Variants in MARF1 observed in about 807,000 individuals in gnomAD.
The protein encoded by MARF1 is meiosis regulator and mRNA stability factor 1, also known as limkain-b1.
In MARF1, 24 loss-of-function variants were observed where a neutral mutation model predicts 168.2. The ratio of observed to expected loss-of-function variants is 0.14; its 90% CI spans 0.10 to 0.20. The LOEUF is 0.20. MARF1 is among the 10% of genes least tolerant of loss of function. MARF1 has a pLI of 1.00. For synonymous variants in MARF1, 868 were observed against 822.4 expected (o/e 1.06, Z -0.95); for missense variants, 1,744 against 2,143.6 (o/e 0.81, Z 3.68).
In MARF1 at chr16:15,595,499, G is replaced by A. The variant is rs772687625; in HGVS notation, c.*1194C>T. ...AAATGTCAGGTTTCTCTAGAGGGGG[G>A]TGAGAGGCCACCCGTCAGCGGACAC... On this transcript the variant is annotated 3_prime_UTR_variant, in exon 27 of 27. Coordinates refer to ENST00000396368, the MANE Select transcript of MARF1 (RefSeq NM_014647.4). 2 of 152,602 alleles carry A rather than the reference G, an allele frequency of 1.3e-5. No homozygotes were observed. Among genetic ancestry groups the A allele is most frequent in the Non-Finnish European group, 2.9e-5 (2 of 68,032 alleles). 9.5% of individuals were successfully genotyped at this position (152,602 alleles called of 1,614,324 possible). A position where few individuals can be genotyped will look rare whatever the true frequency, so the allele number is the denominator to read the frequency against.
Position 15,615,863 on chromosome 16 carries a change from A to C in MARF1, c.3220T>G (p.Trp1074Gly). The change falls in exon 16 of 27, where the codon TGG becomes GGG. Residue 1074 changes from tryptophan to glycine, a missense_variant. Transcript: ENST00000396368. The stretch of plus-strand genomic sequence containing the variant: ...GGAGGCGGGGGCTTGTTGTGAATCC[A>C]TTTAACCACTTTGATGCCATTCTGA... Reference protein sequence around the residue: ...TAQNGIKVVKWIHNKPPPPNT... With the variant: ...TAQNGIKVVKGIHNKPPPPNT... The C allele has an allele frequency of 6.3e-7, 1 of 1,588,196 alleles. No individual in the cohort carries two copies. Among genetic ancestry groups the C allele is most frequent in the African/African-American group, 1.4e-5 (1 of 73,852 alleles).
At chr16:15,616,352 T>G (rs1467244142) in intron 15 of MARF1, among the ~76,000 whole-genome samples, 1 of 152,174 alleles carries the variant, frequency 6.6e-6, no homozygotes, top group Admixed American at 6.5e-5. Context: ...TTGTGGCTCA[T>G]GGAGTGATTA....
intron 1 of MARF1, among the ~76,000 whole-genome samples, 170 bp downstream of exon 1, chr16:15,642,848 C>T (rs1484607521): frequency 1.3e-5 from 2 of 152,204 alleles, no homozygotes; most frequent in Non-Finnish European, 2.9e-5. Context: ...GACAAGCCAA[C>T]TCTTTCGTGG....
chr16:15,617,529 T>C lies in MARF1; in HGVS notation c.2727A>G (p.Gly909=), dbSNP rs1433036812. The part of the protein sequence containing the change: ...KFTDIYEKKF[G]HKLNVSDLYK... The stretch of plus-strand genomic sequence containing the variant: ...ATAGATCTGACACATTCAACTTGTG[T>C]CCAAACCTAAAAGCAAGAGAAGAGA... Residue 909 remains glycine (G), a synonymous_variant, in exon 14 of 27, where the codon GGA becomes GGG. Coordinates refer to ENST00000396368, the MANE Select transcript of MARF1 (RefSeq NM_014647.4). The C allele has an allele frequency of 6.2e-7, 1 of 1,606,730 alleles. No individual in the cohort carries two copies. Among genetic ancestry groups the C allele is most frequent in the Admixed American group, 1.7e-5 (1 of 59,432 alleles).
At chr16:15,634,158 C>T (rs1362648066) in intron 4 of MARF1, among the ~76,000 whole-genome samples, 1 of 152,158 alleles carries the variant, frequency 6.6e-6, no homozygotes, top group East Asian at 1.9e-4. Flanking sequence ...AACACAAGCA[C>T]ACTAACTGAC....
At position 15,623,163 on chromosome 16, in the gene MARF1, GTTCTGTATAT is replaced by G. The variant is rs746042945; in HGVS notation, c.2271-50_2271-41del. 9.0e-6 allele frequency: 13 copies of G among 1,448,734 alleles called. No homozygotes were observed. In the South Asian group the frequency reaches 1.8e-4, roughly 20 times the overall value. The allele number at this position is 1,448,734 out of a possible 1,614,324, so 89.7% of individuals were successfully genotyped here. A position where few individuals can be genotyped will look rare whatever the true frequency, so the allele number is the denominator to read the frequency against. ...CATATTGACATTATTTTAAAAAACT[GTTCTGTATAT>G]TTAGATTTTATCATTTAGGCTTTGT... On this transcript the variant is annotated intron_variant, in intron 10 of 26. Coordinates refer to ENST00000396368, the MANE Select transcript of MARF1 (RefSeq NM_014647.4).
At chr16:15,642,773 G>T (rs1419047145) in intron 1 of MARF1, among the ~76,000 whole-genome samples, 1 of 152,158 alleles carries the variant, frequency 6.6e-6, no homozygotes, top group African/African-American at 2.4e-5. Context: ...CGGGCGGGGA[G>T]CCAAATGCCC....
rs559427306 is a variant in MARF1 at position 15,608,367 on chromosome 16, C to T, written c.4106G>A (p.Gly1369Asp). Residue 1369 changes from glycine to aspartate, a missense_variant, in exon 21 of 27, where the codon GGT (glycine) becomes GAT (aspartate). By Grantham distance (94) the Gly-to-Asp change is moderately conservative (BLOSUM62 -1). Coordinates refer to ENST00000396368, the MANE Select transcript of MARF1 (RefSeq NM_014647.4). Reference protein sequence around the residue: ...DLLTEYAKTFGYTFRLQDYDV... With the variant: ...DLLTEYAKTFDYTFRLQDYDV... The stretch of plus-strand genomic sequence containing the variant: ...ATAGTCTTGGAGACGAAATGTATAA[C>T]CAAAAGTTTTAGCATATTCTGTAAG... 6.2e-7 allele frequency: 1 copy of T among 1,612,516 alleles called. No individual in the cohort carries two copies. The highest frequency in any genetic ancestry group is 1.1e-5 in the South Asian group (1 of 91,036).
chr16:15,639,228 C>G lies in MARF1; in HGVS notation c.6G>C (p.Met2Ile). The G allele has an allele frequency of 6.2e-7, 1 of 1,613,182 alleles. No homozygotes were observed. The highest frequency in any genetic ancestry group is 8.5e-7 in the Non-Finnish European group (1 of 1,179,660). M[M>I]EGNGTENSCS... Reference sequence around the variant, plus strand: ...AGGAGTTCTCAGTTCCGTTTCCTTCCATCATACAGCCATGCAAAGTGATTC... The same window carrying G: ...AGGAGTTCTCAGTTCCGTTTCCTTCGATCATACAGCCATGCAAAGTGATTC... The change falls in exon 2 of 27, where the codon ATG becomes ATC. Residue 2 changes from methionine to isoleucine, a missense_variant. Met to Ile is a conservative substitution (Grantham distance 10). This residue lies in a region of MARF1 where 318 missense variants were observed against 336.6 expected (regional missense o/e 0.94). Transcript: ENST00000396368.
chr16:15,599,593 C>T lies in MARF1; in HGVS notation c.4814-569G>A, dbSNP rs370806201. Among the ~76,000 whole-genome samples the T allele has an allele frequency of 7.9e-5, 12 of 152,326 alleles. No homozygotes were observed. In the East Asian group the frequency reaches 1.5e-3, roughly 20 times the overall value. On this transcript the variant is annotated intron_variant, in intron 25 of 26. Coordinates refer to ENST00000396368, the MANE Select transcript of MARF1 (RefSeq NM_014647.4). ...ATCCTAAGGGCACAGGGGACGGTAA[C>T]GTGCTATCTCGCCGCATGTTATGAA...
rs757973463 is a variant in MARF1 at position 15,630,318 on chromosome 16, GC to G, written c.1524+13del. ...AATATTGGAAAATGGCAAAAATAAC[GC>G]AAACCCACTTACTGGCATTTTTAGT... On this transcript the variant is annotated intron_variant, in intron 7 of 26. Transcript: ENST00000396368. 1.5e-5 allele frequency: 24 copies of G among 1,585,176 alleles called. No homozygotes were observed. The African/African-American group carries it at 3.1e-4, about 21-fold the overall frequency.
chr16:15,599,811 A>T (rs1446821380), intron 25 of MARF1, among the ~76,000 whole-genome samples: 1 of 152,192 alleles, frequency 6.6e-6, no homozygotes, highest in Non-Finnish European at 1.5e-5. Flanking sequence ...TGTGACAAAG[A>T]CGCCTTGACC....
intron 6 of MARF1, among the ~76,000 whole-genome samples, chr16:15,630,728 G>A (rs1399521027): frequency 6.6e-6 from 1 of 151,656 alleles, no homozygotes; most frequent in Non-Finnish European, 1.5e-5. Flanking sequence ...TATTAAAAAG[G>A]AGCAAATATG....
chr16:15,622,638 C>G (rs1265676267), intron 11 of MARF1, among the ~76,000 whole-genome samples: 1 of 152,218 alleles, frequency 6.6e-6, no homozygotes, highest in African/African-American at 2.4e-5. Flanking sequence ...CCGCCTTGGC[C>G]TCCCAAAGTG....
At chr16:15,597,350 G>A (rs934477408) in intron 26 of MARF1, among the ~76,000 whole-genome samples, 3 of 152,344 alleles carry the variant, frequency 2.0e-5, no homozygotes, top group African/African-American at 7.2e-5. Context: ...GCATCTGGGT[G>A]TCAGGGAGCT....
intron 11 of MARF1, 124 bp downstream of exon 11, chr16:15,622,810 G>A: frequency 3.0e-6 from 2 of 672,440 alleles, no homozygotes; most frequent in South Asian, 3.0e-5. Context: ...GGAAAAGGAA[G>A]GAGTTCAAAC....
intron 7 of MARF1, among the ~76,000 whole-genome samples, chr16:15,629,269 G>C (rs947017265): frequency 6.6e-6 from 1 of 152,152 alleles, no homozygotes; most frequent in African/African-American, 2.4e-5. Flanking sequence ...AGCCTCAAAA[G>C]ATTAAGGTAA....
At chr16:15,620,658 T>C (rs2034390470) in intron 12 of MARF1, 127 bp from the exon 13 acceptor site, 1 of 609,810 alleles carries the variant, frequency 1.6e-6, no homozygotes, top group Admixed American at 3.5e-5. Flanking sequence ...TATGTCAGAA[T>C]GTATTTTCCA....
chr16:15,631,328 T>C (rs555442817), intron 6 of MARF1, 53 bp downstream of exon 6: 4 of 1,255,532 alleles, frequency 3.2e-6, no homozygotes, highest in East Asian at 2.4e-5. Flanking sequence ...GCTTCTATGA[T>C]AATTTCCCAC....
Sources: allele counts gnomAD v4.1 joint callset (sites outside exome capture counted in the v4.1 genomes callset), GRCh38; gene constraint gnomAD v4.1.1; regional missense constraint gnomAD v4.1.1; transcripts MANE v1.5; gene names NCBI Gene and HGNC (gene_info 2026-07-23, HGNC 2026-07-21).